Variants in C12orf42 observed in about 807,000 individuals in gnomAD.
C12orf42 encodes the protein uncharacterized protein C12orf42.
C12orf42 carries 25 observed loss-of-function variants against 21.6 expected under a neutral mutation model. The ratio of observed to expected loss-of-function variants is 1.16; its 90% CI spans 0.84 to 1.62. The LOEUF (loss-of-function observed/expected upper bound fraction) is 1.62. C12orf42 is among the 40% of genes most tolerant of loss of function. The pLI, the probability that C12orf42 is intolerant of heterozygous loss-of-function variation, is 0.00. For synonymous variants in C12orf42, 174 were observed against 175.0 expected (o/e 0.99, Z 0.05); for missense variants, 483 against 459.3 (o/e 1.05, Z -0.47).
At chr12:103,193,669 C>A in the C12orf42 span, among the ~76,000 whole-genome samples, 94 of 151,996 alleles carry the variant, frequency 6.2e-4, no homozygotes, top group African/African-American at 2.1e-3. Context: ...ACTGAATAGG[C>A]CAAAAACAAA....
chr12:103,559,498 C>T, the C12orf42 span: 1 of 148,316 alleles, frequency 6.7e-6, no homozygotes, highest in Non-Finnish European at 1.5e-5. Context: ...CCTGTGAGTT[C>T]TAGCAAATCA....
intron 2 of C12orf42, among the ~76,000 whole-genome samples, chr12:103,407,295 TTC>T (rs2048495561): frequency 6.6e-6 from 1 of 152,216 alleles, no homozygotes; most frequent in Non-Finnish European, 1.5e-5. Context: ...TCAACTAGTA[TTC>T]TGTTTAAATA....
chr12:103,497,932 G>A (rs766854949), upstream of C12orf42, among the ~76,000 whole-genome samples: 1 of 152,142 alleles, frequency 6.6e-6, no homozygotes. Context: ...CTACTCAGGA[G>A]GCTGAGGCAG....
intron 4 of C12orf42, among the ~76,000 whole-genome samples, chr12:103,286,425 A>G (rs2036465094): frequency 6.6e-6 from 1 of 151,736 alleles, no homozygotes; most frequent in African/African-American, 2.4e-5. Context: ...TTCTTATTTT[A>G]AGACAGTCAT....
rs181113985 is a variant in C12orf42 at position 103,307,285 on chromosome 12, T to C, written c.260-940A>G. On this transcript the variant is annotated intron_variant, in intron 4 of 5. Coordinates refer to ENST00000548883, the MANE Select transcript of C12orf42 (RefSeq NM_198521.5). ...TGACTGCTGAAGCCACTCCTTTTGATGCACTGTCAGAAGGTAAAAAACAAT... is the reference window on the plus strand; with the variant it reads ...TGACTGCTGAAGCCACTCCTTTTGACGCACTGTCAGAAGGTAAAAAACAAT... 4.6e-5 allele frequency among the ~76,000 whole-genome samples: 7 copies of C among 152,296 alleles called. No homozygotes were observed. The East Asian group carries it at 1.2e-3, about 25-fold the overall frequency.
chr12:103,198,651 G>A, the C12orf42 span, among the ~76,000 whole-genome samples: 2 of 152,176 alleles, frequency 1.3e-5, no homozygotes, highest in Non-Finnish European at 2.9e-5. Flanking sequence ...GGGTTCATGG[G>A]GCCCCCTGCA....
chr12:103,483,327 T>C (rs767453420), intron 1 of C12orf42, among the ~76,000 whole-genome samples: 25 of 152,150 alleles, frequency 1.6e-4, no homozygotes, highest in Admixed American at 1.3e-4. Flanking sequence ...ATAAGGGGTA[T>C]GTGTCTACTC....
chr12:103,049,344 G>T, the C12orf42 span, among the ~76,000 whole-genome samples: 1,720 of 152,206 alleles, frequency 0.011, 12 homozygotes, highest in South Asian at 0.02. Context: ...AAACGCCACT[G>T]CTGATCCATC....
intron 2 of C12orf42, among the ~76,000 whole-genome samples, chr12:103,474,177 C>G (rs1394307491): frequency 6.6e-6 from 1 of 152,064 alleles, no homozygotes; most frequent in Non-Finnish European, 1.5e-5. Flanking sequence ...CACTTTCATG[C>G]CTTTCCTAAG....
At chr12:103,350,076 G>A (rs569321271) in intron 4 of C12orf42, among the ~76,000 whole-genome samples, 1 of 152,194 alleles carries the variant, frequency 6.6e-6, no homozygotes, top group Admixed American at 6.5e-5. Context: ...CCAAATTTAG[G>A]AAGATAAGAT....
At chr12:103,475,009 T>C (rs1312006593) in intron 2 of C12orf42, among the ~76,000 whole-genome samples, 1 of 152,234 alleles carries the variant, frequency 6.6e-6, no homozygotes, top group African/African-American at 2.4e-5. Flanking sequence ...ATACAGTAAA[T>C]TTGAACTTTT....
chr12:103,345,891 A>G (rs567770529), intron 4 of C12orf42, among the ~76,000 whole-genome samples: 1 of 152,310 alleles, frequency 6.6e-6, no homozygotes, highest in East Asian at 1.9e-4. Flanking sequence ...TATGATTACT[A>G]CTGTATGATA....
At chr12:103,398,165 A>G (rs1010140363) in intron 3 of C12orf42, among the ~76,000 whole-genome samples, 2 of 152,162 alleles carry the variant, frequency 1.3e-5, no homozygotes, top group African/African-American at 4.8e-5. Flanking sequence ...ATTTCTCTAT[A>G]CCTTTGTCAA....
the C12orf42 span, among the ~76,000 whole-genome samples, chr12:103,123,540 G>A: frequency 6.6e-6 from 1 of 152,068 alleles, no homozygotes; most frequent in Non-Finnish European, 1.5e-5. Flanking sequence ...GATAAAGAAA[G>A]CATAATCATA....
chr12:103,277,652 G>A lies in C12orf42; in HGVS notation n.338-442C>T, dbSNP rs930522796. On this transcript the variant is annotated intron_variant and non_coding_transcript_variant, in intron 4 of 6. Transcript: ENST00000546526. ...CTTTTTTTTTTTGAGATGGAGTCTCGCTTTGTCACCCAGGCTGGAGTGCAG... is the reference window on the plus strand; with the variant it reads ...CTTTTTTTTTTTGAGATGGAGTCTCACTTTGTCACCCAGGCTGGAGTGCAG... 2.7e-5 allele frequency among the ~76,000 whole-genome samples: 4 copies of A among 149,196 alleles called. No individual in the cohort carries two copies. The South Asian group carries it at 6.4e-4, about 24-fold the overall frequency.
chr12:103,533,544 C>T, the C12orf42 span, among the ~76,000 whole-genome samples: 2 of 152,180 alleles, frequency 1.3e-5, no homozygotes, highest in Non-Finnish European at 2.9e-5. Context: ...GGAACCAAAG[C>T]TCACACTGTA....
intron 3 of C12orf42, among the ~76,000 whole-genome samples, chr12:103,393,915 A>G (rs1001882621): frequency 5.3e-4 from 81 of 152,200 alleles, no homozygotes; most frequent in African/African-American, 1.8e-3. Context: ...ATTCTTAGAA[A>G]TCAGAGGAAT....
chr12:103,060,147 A>G, the C12orf42 span, among the ~76,000 whole-genome samples: 1 of 152,194 alleles, frequency 6.6e-6, no homozygotes, highest in Non-Finnish European at 1.5e-5. Flanking sequence ...AGGATACAAA[A>G]TCAATGTGCA....
At chr12:103,490,784 T>G (rs1955135700) in intron 1 of C12orf42, among the ~76,000 whole-genome samples, 2 of 151,806 alleles carry the variant, frequency 1.3e-5, no homozygotes, top group Admixed American at 6.6e-5. Context: ...TTATAAAACA[T>G]TATAAGGAGT....
Sources: gnomAD v4.1 joint callset for allele counts (sites outside exome capture counted in the v4.1 genomes callset) on GRCh38, gnomAD v4.1.1 for gene constraint, MANE v1.5 for transcripts, NCBI Gene and HGNC (gene_info 2026-07-23, HGNC 2026-07-21) for gene names.